HMCN1: variants seen among roughly 807,000 people sequenced by gnomAD.
HMCN1 encodes the protein hemicentin-1.
A neutral mutation model predicts 625.9 loss-of-function variants in HMCN1; 321 were observed. That is an observed-to-expected ratio of 0.51 (90% CI 0.47 to 0.56). HMCN1 has a LOEUF of 0.56. Ranked by LOEUF, HMCN1 falls within the 20% of genes least tolerant of loss-of-function variation. The probability of loss-of-function intolerance (pLI) is 0.00; values close to 1 mark genes in which losing one functional copy is unlikely to be tolerated. For missense variants in HMCN1, 6,588 were observed against 6,887.3 expected, an observed-to-expected ratio of 0.96 and a Z score of 1.54; for synonymous variants, 2,425 against 2,417.6, an observed-to-expected ratio of 1.00 and a Z score of -0.09.
intron 1 of HMCN1, among the ~76,000 whole-genome samples, chr1:185,832,087 G>A (rs1558002623): frequency 6.6e-6 from 1 of 152,076 alleles, no homozygotes; most frequent in African/African-American, 2.4e-5. Flanking sequence ...CTTGAGGTCG[G>A]AAGTTCGAGA....
chr1:186,010,663 C>T (rs1653940495), intron 30 of HMCN1, among the ~76,000 whole-genome samples: 1 of 152,062 alleles, frequency 6.6e-6, no homozygotes, highest in African/African-American at 2.4e-5. Flanking sequence ...TAATCTCAAT[C>T]AAAATTAAAA....
rs1428072650 is a variant in HMCN1, at chr1:185,989,654, G to A, written c.3208+7G>A. The A allele has an allele frequency of 5.6e-6, 9 of 1,613,836 alleles. No homozygotes were observed. Among genetic ancestry groups the A allele is most frequent in the African/African-American group, 1.3e-5 (1 of 75,030 alleles). On this transcript the variant is annotated splice_region_variant and intron_variant, in intron 21 of 106. Transcript: ENST00000271588. ...GTGCAGCTAACAGTCTATGGTGAGA[G>A]CTGGTGGAGGAATGGTTTTTATTGA...
intron 5 of HMCN1, among the ~76,000 whole-genome samples, chr1:185,911,305 G>A (rs1166798585): frequency 6.6e-6 from 1 of 152,092 alleles, no homozygotes; most frequent in South Asian, 2.1e-4. Context: ...TATGATTACA[G>A]TCTGCTAATT....
rs1273095531 is a variant in HMCN1, at chr1:185,993,295, A to G, written c.3491A>G (p.Lys1164Arg). The G allele has an allele frequency of 5.0e-6, 8 of 1,612,878 alleles. No homozygotes were observed. The highest frequency in any genetic ancestry group is 1.3e-5 in the African/African-American group (1 of 74,910). Residue 1164 changes from lysine to arginine, a missense_variant, in exon 23 of 107, where the codon AAA becomes AGA. Coordinates refer to ENST00000271588, the MANE Select transcript of HMCN1 (RefSeq NM_031935.3). ...GCTGGGAATGTGACTCAGGCTGTCA[A>G]ATTAAATGTCCATGGTGAGTCTTGA... ...NIAGNVTQAV[K>R]LNVHVPPKIQ... is the part of the protein sequence containing the mutation.
intron 1 of HMCN1, among the ~76,000 whole-genome samples, chr1:185,834,866 C>G (rs925363402): frequency 6.6e-6 from 1 of 152,086 alleles, no homozygotes; most frequent in Admixed American, 6.6e-5. Context: ...TTTCCCAAAA[C>G]AAATTGAGAC....
At chr1:185,888,825 G>T (rs1257515256) in intron 4 of HMCN1, among the ~76,000 whole-genome samples, 1 of 145,436 alleles carries the variant, frequency 6.9e-6, no homozygotes, top group Non-Finnish European at 1.5e-5. Flanking sequence ...CTTTAAAGTA[G>T]TTTTTTCCAA....
chr1:185,936,679 G>C (rs552386473), intron 11 of HMCN1, among the ~76,000 whole-genome samples: 5 of 152,324 alleles, frequency 3.3e-5, no homozygotes, highest in African/African-American at 1.2e-4. Context: ...TTGGATATAT[G>C]TAACCTGGGA....
chr1:186,037,157 T>G (rs1009934413), intron 36 of HMCN1, among the ~76,000 whole-genome samples: 6 of 147,796 alleles, frequency 4.1e-5, no homozygotes, highest in Middle Eastern at 3.4e-3. Context: ...TTAAAATGTG[T>G]TTTTTTTTTC....
At chr1:186,082,004 A>G (rs1458771672) in intron 56 of HMCN1, among the ~76,000 whole-genome samples, 1 of 152,298 alleles carries the variant, frequency 6.6e-6, no homozygotes, top group East Asian at 1.9e-4. Flanking sequence ...AACATAGGAC[A>G]TATCTCATGG....
intron 91 of HMCN1, among the ~76,000 whole-genome samples, chr1:186,144,907 G>A (rs945289008): frequency 1.3e-5 from 2 of 152,168 alleles, no homozygotes; most frequent in African/African-American, 4.8e-5. Flanking sequence ...TATTTCACTT[G>A]CTCTATATAG....
intron 25 of HMCN1, among the ~76,000 whole-genome samples, chr1:185,998,609 G>T (rs1173410806): frequency 3.3e-5 from 5 of 151,962 alleles, no homozygotes; most frequent in African/African-American, 9.7e-5. Flanking sequence ...TTCCCCACTG[G>T]ATTCCTGACT....
chr1:186,188,879 G>T (rs1193117574), intron 106 of HMCN1, among the ~76,000 whole-genome samples: 1 of 152,110 alleles, frequency 6.6e-6, no homozygotes, highest in Non-Finnish European at 1.5e-5. Context: ...TTCATAAAAT[G>T]GTTCTCTGTG....
chr1:185,981,053 C>T lies in HMCN1; in HGVS notation c.2642C>T (p.Thr881Ile). Residue 881 changes from threonine to isoleucine, a missense_variant, in exon 17 of 107, where the codon ACA becomes ATA. Transcript: ENST00000271588. ...TTTGGAAAGATCCAGTCAGAGACAA[C>T]AGTAACAGTGACCGGACTTGGTAAG... ...NQFGKIQSETTVTVTGLVAPL... is the reference protein window; with the variant it reads ...NQFGKIQSETIVTVTGLVAPL... 6.2e-7 allele frequency: 1 copy of T among 1,606,544 alleles called. No homozygotes were observed. The highest frequency in any genetic ancestry group is 8.5e-7 in the Non-Finnish European group (1 of 1,173,218).
rs1199626853 is a variant in HMCN1 at position 186,093,155 on chromosome 1, A to G, written c.9909A>G (p.Thr3303=). Reference sequence around the variant, plus strand: ...GTAGAGTGAGTGCAAATGGCAGCACATTAAACATTTATGGAGCTCTTACAT... The same window carrying G: ...GTAGAGTGAGTGCAAATGGCAGCACGTTAAACATTTATGGAGCTCTTACAT... ...ERIRVSANGS[T]LNIYGALTSD... Residue 3303 remains threonine, a synonymous_variant, in exon 65 of 107, where the codon ACA becomes ACG. Transcript: ENST00000271588. 1.2e-6 allele frequency: 2 copies of G among 1,613,380 alleles called. No homozygotes were observed. Among genetic ancestry groups the G allele is most frequent in the Admixed American group, 1.7e-5 (1 of 59,898 alleles).
intron 1 of HMCN1, among the ~76,000 whole-genome samples, chr1:185,783,853 C>A (rs1657346196): frequency 6.6e-6 from 1 of 152,172 alleles, no homozygotes. Flanking sequence ...GCTGGGAGAA[C>A]CACTGTACCG....
intron 1 of HMCN1, among the ~76,000 whole-genome samples, chr1:185,818,767 A>T (rs186002489): frequency 7.9e-5 from 12 of 152,318 alleles, no homozygotes; most frequent in Non-Finnish European, 1.3e-4. Flanking sequence ...ACCATTCTGT[A>T]CCTTCAAAAA....
intron 77 of HMCN1, among the ~76,000 whole-genome samples, chr1:186,118,837 G>A (rs1661254653): frequency 6.6e-6 from 1 of 152,204 alleles, no homozygotes; most frequent in Non-Finnish European, 1.5e-5. Flanking sequence ...TTAGTGGTGG[G>A]CTAAGGCCAG....
intron 4 of HMCN1, among the ~76,000 whole-genome samples, chr1:185,881,051 G>T (rs1264937307): frequency 6.6e-6 from 1 of 152,224 alleles, no homozygotes; most frequent in Non-Finnish European, 1.5e-5. Context: ...CAGAAGGCAT[G>T]TTACACTGCT....
Position 186,136,810 on chromosome 1 carries a change from G to A in HMCN1, c.13455G>A (p.Arg4485=), listed in dbSNP as rs374183086. 6.6e-5 allele frequency: 106 copies of A among 1,613,880 alleles called. 3 individuals are homozygous for A. The South Asian group carries it at 1.1e-3, about 17-fold the overall frequency. Residue 4485 remains arginine, a synonymous_variant, in exon 87 of 107, where the codon CGG becomes CGA. Transcript: ENST00000271588. ...GGCACTCTATTTCCTGGGATGACCG[G>A]GTTAACGTGTTGTCCAACAACTCAT... ...RQGHSISWDD[R]VNVLSNNSLY... is the part of the protein sequence containing the mutation.
Sources: allele counts gnomAD v4.1 joint callset (sites outside exome capture counted in the v4.1 genomes callset), GRCh38; gene constraint gnomAD v4.1.1; transcripts MANE v1.5; gene names NCBI Gene and HGNC (gene_info 2026-07-23, HGNC 2026-07-21).